The following SAMMSON variants were observed in gnomAD, a reference collection of about 807,000 sequenced individuals.
SAMMSON encodes the protein long intergenic non-protein coding RNA 1212.
chr3:70,336,297 T>C (rs1300295893), intron 7 of SAMMSON, among the ~76,000 whole-genome samples: 1 of 152,024 alleles, frequency 6.6e-6, no homozygotes, highest in African/African-American at 2.4e-5. Context: ...AGGCAAGGAC[T>C]GATTTGAGGG....
intron 4 of SAMMSON, among the ~76,000 whole-genome samples, chr3:70,235,346 G>A (rs1701597316): frequency 6.6e-6 from 1 of 151,936 alleles, no homozygotes; most frequent in African/African-American, 2.4e-5. Flanking sequence ...AATTCCTCTG[G>A]GTAGTCCTTA....
At chr3:70,254,911 T>A (rs1701800946) in intron 6 of SAMMSON, among the ~76,000 whole-genome samples, 1 of 152,346 alleles carries the variant, frequency 6.6e-6, no homozygotes, top group Non-Finnish European at 1.5e-5. Flanking sequence ...CTTTTCCGAC[T>A]GTAACATTCC....
chr3:70,401,618 TA>T (rs1164729806), intron 2 of SAMMSON, among the ~76,000 whole-genome samples: 1 of 150,648 alleles, frequency 6.6e-6, no homozygotes, highest in Admixed American at 6.6e-5. Context: ...TTTTTCTGGA[TA>T]TTTTTTCTAT....
chr3:70,327,739 C>G (rs997765061), intron 7 of SAMMSON, among the ~76,000 whole-genome samples: 1 of 152,136 alleles, frequency 6.6e-6, no homozygotes, highest in East Asian at 1.9e-4. Flanking sequence ...CAGATATCAT[C>G]CTAGTAGTGA....
At chr3:70,210,883 A>G (rs1352294558) in intron 4 of SAMMSON, among the ~76,000 whole-genome samples, 1 of 152,140 alleles carries the variant, frequency 6.6e-6, no homozygotes, top group African/African-American at 2.4e-5. Context: ...CAGCTAGTTA[A>G]GTTTTTATTA....
At chr3:70,329,294 C>T (rs564791240) in intron 7 of SAMMSON, among the ~76,000 whole-genome samples, 5 of 152,126 alleles carry the variant, frequency 3.3e-5, no homozygotes, top group African/African-American at 1.2e-4. Flanking sequence ...CTTTATGGTT[C>T]TTTAAATTCC....
At chr3:70,138,889 A>C (rs961491190) in intron 4 of SAMMSON, among the ~76,000 whole-genome samples, 1 of 152,142 alleles carries the variant, frequency 6.6e-6, no homozygotes, top group African/African-American at 2.4e-5. Flanking sequence ...TTTAAGTAAA[A>C]AAGCTTTTTA....
chr3:70,146,916 A>C (rs1294559292), intron 4 of SAMMSON, among the ~76,000 whole-genome samples: 1 of 152,068 alleles, frequency 6.6e-6, no homozygotes, highest in Non-Finnish European at 1.5e-5. Flanking sequence ...TATAATTATT[A>C]ATGTAGAAAA....
At chr3:70,345,652 A>C (rs1398875310) in intron 7 of SAMMSON, among the ~76,000 whole-genome samples, 1 of 152,054 alleles carries the variant, frequency 6.6e-6, no homozygotes, top group Non-Finnish European at 1.5e-5. Flanking sequence ...CCCTCCCCTC[A>C]TCCCCTCCAA....
intron 7 of SAMMSON, among the ~76,000 whole-genome samples, chr3:70,302,015 G>A (rs1367380290): frequency 2.6e-5 from 4 of 152,072 alleles, no homozygotes; most frequent in Non-Finnish European, 1.5e-5. Context: ...CCATATTGGT[G>A]TGGAAATTTA....
intron 9 of SAMMSON, among the ~76,000 whole-genome samples, chr3:70,367,961 GT>G (rs547673470): frequency 0.026 from 3,750 of 143,876 alleles, 99 homozygotes; most frequent in African/African-American, 0.061. Context: ...TTAAAATTGG[GT>G]TTTTTTTTTT....
intron 6 of SAMMSON, among the ~76,000 whole-genome samples, chr3:70,251,330 A>G (rs1701765957): frequency 6.6e-6 from 1 of 152,088 alleles, no homozygotes; most frequent in Admixed American, 6.5e-5. Flanking sequence ...TTCAGTCTTC[A>G]TTTTCTATGT....
chr3:70,102,513 C>T (rs2067350045), intron 4 of SAMMSON, among the ~76,000 whole-genome samples: 1 of 152,182 alleles, frequency 6.6e-6, no homozygotes, highest in African/African-American at 2.4e-5. Context: ...ATTGGAGGAG[C>T]ATCTCTAGTC....
intron 2 of SAMMSON, among the ~76,000 whole-genome samples, chr3:70,404,663 T>C (rs1032108531): frequency 6.6e-5 from 10 of 152,108 alleles, no homozygotes; most frequent in African/African-American, 2.2e-4. Flanking sequence ...TTAAAAAATA[T>C]CATAAGAAAT....
At chr3:70,001,156 T>TGAGCCC (rs1384346877) in intron 1 of SAMMSON, among the ~76,000 whole-genome samples, 2 of 152,070 alleles carry the variant, frequency 1.3e-5, no homozygotes, top group Non-Finnish European at 2.9e-5. Flanking sequence ...AAAGAATTGT[T>TGAGCCC]GAGCCCCCTA....
At chr3:70,110,657 A>C (rs918340029) in intron 4 of SAMMSON, among the ~76,000 whole-genome samples, 1 of 152,134 alleles carries the variant, frequency 6.6e-6, no homozygotes, top group African/African-American at 2.4e-5. Flanking sequence ...CTCGAATTCT[A>C]TCTGTCTCAA....
At chr3:70,096,534 C>T (rs562547182) in intron 4 of SAMMSON, among the ~76,000 whole-genome samples, 2 of 152,194 alleles carry the variant, frequency 1.3e-5, no homozygotes, top group East Asian at 3.9e-4. Context: ...ACAGAGTGAG[C>T]CCTTCTCTCA....
At chr3:70,199,861 T>G (rs1412725337) in intron 4 of SAMMSON, among the ~76,000 whole-genome samples, 6 of 152,194 alleles carry the variant, frequency 3.9e-5, no homozygotes, top group African/African-American at 1.4e-4. Flanking sequence ...ATACCATATA[T>G]GCTATTGCCT....
chr3:70,334,825 T>C (rs1702649475), intron 7 of SAMMSON, among the ~76,000 whole-genome samples: 2 of 152,128 alleles, frequency 1.3e-5, no homozygotes, highest in African/African-American at 2.4e-5. Flanking sequence ...ACTATCTCTT[T>C]AGCTCATCTC....
Sources: gnomAD v4.1 joint callset for allele counts (sites outside exome capture counted in the v4.1 genomes callset) on GRCh38, gnomAD v4.1.1 for gene constraint, MANE v1.5 for transcripts, NCBI Gene and HGNC (gene_info 2026-07-23, HGNC 2026-07-21) for gene names.